Variants in RSPO2 observed in about 807,000 individuals in gnomAD.
RSPO2 encodes the protein R-spondin 2.
In RSPO2, 14 loss-of-function variants were observed where a neutral mutation model predicts 30.9. The ratio of observed to expected loss-of-function variants is 0.45; its 90% CI spans 0.30 to 0.71. The LOEUF (loss-of-function observed/expected upper bound fraction) is 0.71, where lower values mean the gene tolerates loss of function less well. Among genes scored for constraint, RSPO2 ranks in the 30% least tolerant of loss-of-function variants. The pLI, the probability that RSPO2 is intolerant of heterozygous loss-of-function variation, is 0.08. For missense variants in RSPO2, 264 were observed against 301.9 expected (o/e 0.87, Z 0.93); for synonymous variants, 107 against 96.4 (o/e 1.11, Z -0.64).
At chr8:107,941,034 A>G (rs1051797875) in intron 5 of RSPO2, among the ~76,000 whole-genome samples, 1 of 152,130 alleles carries the variant, frequency 6.6e-6, no homozygotes, top group African/African-American at 2.4e-5. Context: ...TCACTTCATT[A>G]TCACAGCTCA....
intron 5 of RSPO2, among the ~76,000 whole-genome samples, chr8:107,932,191 A>G (rs1393302418): frequency 6.6e-6 from 1 of 152,204 alleles, no homozygotes; most frequent in African/African-American, 2.4e-5. Context: ...CCACTGAAGT[A>G]GTCAAGGTAG....
intron 5 of RSPO2, among the ~76,000 whole-genome samples, chr8:107,910,920 A>T (rs1398831838): frequency 6.6e-6 from 1 of 152,132 alleles, no homozygotes; most frequent in Non-Finnish European, 1.5e-5. Flanking sequence ...AAATAGCTAC[A>T]ATGTAATGTG....
chr8:108,011,290 T>A (rs1810704735), intron 2 of RSPO2, among the ~76,000 whole-genome samples: 2 of 151,948 alleles, frequency 1.3e-5, no homozygotes, highest in Admixed American at 1.3e-4. Context: ...ATAGGTATGG[T>A]CTTAGGACAT....
chr8:108,055,428 T>TG (rs530874011), intron 2 of RSPO2, among the ~76,000 whole-genome samples: 72 of 152,040 alleles, frequency 4.7e-4, no homozygotes, highest in African/African-American at 1.3e-3. Flanking sequence ...AGCATTTAAA[T>TG]GGGGGGGAGA....
intron 3 of RSPO2, among the ~76,000 whole-genome samples, chr8:107,980,435 C>A (rs927434336): frequency 6.6e-6 from 1 of 152,132 alleles, no homozygotes; most frequent in Non-Finnish European, 1.5e-5. Flanking sequence ...TCCAGCACTG[C>A]CTGTATTCCA....
At chr8:108,023,325 A>G (rs921467339) in intron 2 of RSPO2, among the ~76,000 whole-genome samples, 8 of 152,174 alleles carry the variant, frequency 5.3e-5, no homozygotes, top group Non-Finnish European at 7.3e-5. Context: ...AGCATGCCAC[A>G]TTACCCCCAG....
At chr8:108,001,169 G>A (rs940006358) in intron 2 of RSPO2, among the ~76,000 whole-genome samples, 1 of 152,144 alleles carries the variant, frequency 6.6e-6, no homozygotes, top group Non-Finnish European at 1.5e-5. Flanking sequence ...TCCAGCCTGG[G>A]CGACAGAGCG....
At chr8:108,044,148 T>C (rs577799900) in intron 2 of RSPO2, among the ~76,000 whole-genome samples, 6 of 143,602 alleles carry the variant, frequency 4.2e-5, no homozygotes, top group African/African-American at 1.6e-4. Flanking sequence ...CTGATTCTGT[T>C]GTCTGAAAAA....
chr8:107,914,731 G>T (rs1811928175), intron 5 of RSPO2, among the ~76,000 whole-genome samples: 1 of 152,064 alleles, frequency 6.6e-6, no homozygotes, highest in Non-Finnish European at 1.5e-5. Context: ...AGACACTTCT[G>T]GAAATTCCTT....
At chr8:108,019,947 G>A (rs1269604967) in intron 2 of RSPO2, among the ~76,000 whole-genome samples, 1 of 151,776 alleles carries the variant, frequency 6.6e-6, no homozygotes, top group Non-Finnish European at 1.5e-5. Flanking sequence ...TTCTCTTCAG[G>A]GCAGCAACAT....
chr8:107,972,493 A>G (rs903009853), intron 3 of RSPO2, among the ~76,000 whole-genome samples: 5 of 152,168 alleles, frequency 3.3e-5, no homozygotes, highest in African/African-American at 1.2e-4. Flanking sequence ...ACAAACAAAA[A>G]TACTTCAGAT....
intron 2 of RSPO2, among the ~76,000 whole-genome samples, chr8:107,990,876 A>G (rs183374752): frequency 2.2e-4 from 33 of 152,322 alleles, no homozygotes; most frequent in African/African-American, 7.9e-4. Flanking sequence ...AACAGAATAG[A>G]GTATCCAGAA....
chr8:107,978,912 C>CA (rs1400079864), intron 3 of RSPO2, among the ~76,000 whole-genome samples: 1 of 152,022 alleles, frequency 6.6e-6, no homozygotes, highest in Non-Finnish European at 1.5e-5. Flanking sequence ...TTTATGCAGC[C>CA]AAAAAACACA....
chr8:108,083,278 C>T lies in RSPO2; in HGVS notation c.-251G>A, dbSNP rs965590360. On this transcript the variant is annotated 5_prime_UTR_variant, in exon 1 of 6. The change creates a new upstream start codon in the 5' untranslated region. Transcript: ENST00000276659. ...CGGGAAGCGAGCCGCTTGGTTAGCA[C>T]GTGGGCTGGGGAAAAGTTTGCCGAG... The T allele has an allele frequency of 6.6e-6, 1 of 152,224 alleles. No individual in the cohort carries two copies. Among genetic ancestry groups the T allele is most frequent in the African/African-American group, 2.4e-5 (1 of 41,466 alleles). 9.4% of individuals were successfully genotyped at this position (152,224 alleles called of 1,614,324 possible).
At chr8:108,004,669 A>T (rs1043634975) in intron 2 of RSPO2, among the ~76,000 whole-genome samples, 1 of 152,194 alleles carries the variant, frequency 6.6e-6, no homozygotes, top group African/African-American at 2.4e-5. Context: ...GCAAAACTAT[A>T]TGTGTATGTA....
At chr8:108,069,624 T>A (rs1812779887) in intron 2 of RSPO2, among the ~76,000 whole-genome samples, 5 of 152,154 alleles carry the variant, frequency 3.3e-5, no homozygotes, top group Admixed American at 3.3e-4. Flanking sequence ...TCATCCCACA[T>A]CCTAAATGTC....
At chr8:107,934,137 G>A (rs1036531233) in intron 5 of RSPO2, among the ~76,000 whole-genome samples, 3 of 152,140 alleles carry the variant, frequency 2.0e-5, no homozygotes, top group Non-Finnish European at 2.9e-5. Flanking sequence ...GCAAGATGTC[G>A]TAAGGCTAGT....
chr8:108,062,844 G>A (rs1450088162), intron 2 of RSPO2, among the ~76,000 whole-genome samples: 1 of 151,742 alleles, frequency 6.6e-6, no homozygotes, highest in Non-Finnish European at 1.5e-5. Context: ...TGATCAAGTG[G>A]GCTTCATCCC....
rs370441002 is a variant in RSPO2, at chr8:108,078,049, G to C, written c.94+4496C>G. Among the ~76,000 whole-genome samples, 349 of 152,284 alleles carry C rather than the reference G, an allele frequency of 2.3e-3. 3 individuals are homozygous for C. The highest frequency in any genetic ancestry group is 0.021 in the South Asian group (102 of 4,818). ...GGATATTCCACAAACTGGCCAGTTT[G>C]TCTCTAAATAAGAGGTGGTTTTGCA... On this transcript the variant is annotated intron_variant, in intron 2 of 5. Transcript: ENST00000276659.
Sources: allele counts gnomAD v4.1 joint callset (sites outside exome capture counted in the v4.1 genomes callset), GRCh38; gene constraint gnomAD v4.1.1; transcripts MANE v1.5; gene names NCBI Gene and HGNC (gene_info 2026-07-23, HGNC 2026-07-21).